The following SENP7 variants were observed in gnomAD, a reference collection of about 807,000 sequenced individuals.
SENP7 encodes the protein SUMO specific peptidase 7.
A neutral mutation model predicts 141.2 loss-of-function variants in SENP7; 64 were observed. That is an observed-to-expected ratio of 0.45 (90% CI 0.37 to 0.56). SENP7 has a LOEUF of 0.56. SENP7 is among the 20% of genes least tolerant of loss of function. The pLI, the probability that SENP7 is intolerant of heterozygous loss-of-function variation, is 0.00. For missense variants in SENP7, 1,025 were observed against 1,212.2 expected (o/e 0.85, Z 2.29); for synonymous variants, 382 against 426.4 (o/e 0.90, Z 1.28).
chr3:101,401,723 G>C (rs2061149241), intron 5 of SENP7, among the ~76,000 whole-genome samples: 1 of 152,136 alleles, frequency 6.6e-6, no homozygotes. Context: ...TATGAAGACT[G>C]AGAGAGGTTA....
chr3:101,479,051 T>C (rs894343706), intron 3 of SENP7, among the ~76,000 whole-genome samples: 1 of 152,092 alleles, frequency 6.6e-6, no homozygotes, highest in African/African-American at 2.4e-5. Context: ...AGAACATACC[T>C]CAGCAGGATA....
intron 4 of SENP7, among the ~76,000 whole-genome samples, chr3:101,450,813 C>G (rs1278525742): frequency 1.3e-5 from 2 of 151,928 alleles, no homozygotes; most frequent in African/African-American, 2.4e-5. Context: ...ACTAGAGAAG[C>G]AAGAGCAAAC....
intron 20 of SENP7, among the ~76,000 whole-genome samples, chr3:101,329,746 T>C (rs1367519691): frequency 7.4e-6 from 1 of 135,214 alleles, no homozygotes. Flanking sequence ...AAGACAAGTC[T>C]AGCCAACATG....
At chr3:101,430,858 C>G (rs1453499368) in intron 4 of SENP7, among the ~76,000 whole-genome samples, 2 of 152,162 alleles carry the variant, frequency 1.3e-5, no homozygotes, top group Non-Finnish European at 2.9e-5. Flanking sequence ...TTAAATGTGT[C>G]CCAGAGATTC....
intron 3 of SENP7, among the ~76,000 whole-genome samples, chr3:101,463,356 AATAAATAAATATAT>A (rs1175142156): frequency 1.7e-5 from 1 of 57,822 alleles, no homozygotes; most frequent in African/African-American, 7.0e-5. Context: ...ATCATAAATA[AATAAATAAATATAT>A]ATATATATAT....
chr3:101,347,787 T>A, intron 13 of SENP7, 85 bp downstream of exon 13: 1 of 594,380 alleles, frequency 1.7e-6, no homozygotes. Context: ...TTCACTGAAA[T>A]AACATTCTAT....
rs201010886 is a variant in SENP7 at position 101,332,079 on chromosome 3, A to G, written c.2604T>C (p.Phe868=). ...SSHWYLAVIC[F]PWLEEAVYED... is the part of the protein sequence containing the mutation. ...CATACACAGCTTCTTCTAACCATGG[A>G]AAACAAATGACTGCGAGATACCAGT... is the stretch of plus-strand genomic sequence containing the variant. The change falls in exon 19 of 24, where the codon TTT becomes TTC. Residue 868 remains phenylalanine (F), a synonymous_variant. Coordinates refer to ENST00000394095, the MANE Select transcript of SENP7 (RefSeq NM_020654.5). 6.2e-7 allele frequency: 1 copy of G among 1,613,386 alleles called. No homozygotes were observed. The highest frequency in any genetic ancestry group is 8.5e-7 in the Non-Finnish European group (1 of 1,179,598).
chr3:101,367,987 C>A lies in SENP7; in HGVS notation c.821G>T (p.Cys274Phe), dbSNP rs1307852622. ...TCTGCTTTCCTGTTCGAGATGATCA[C>A]AACCTCTACTTCCACTGTTAAGGTC... The part of the protein sequence containing the change: ...PEDLNSGSRG[C>F]DHLEQESRNK... Residue 274 changes from cysteine (C) to phenylalanine (F), a missense_variant, in exon 8 of 24, where the codon TGT becomes TTT. Cys to Phe is a radical substitution (Grantham distance 205, BLOSUM62 -2). Around this residue, in one of 4 missense-constraint regions of SENP7, gnomAD observed 496 missense variants for 503.5 expected, o/e 0.99. Coordinates refer to ENST00000394095, the MANE Select transcript of SENP7 (RefSeq NM_020654.5). 3 of 1,612,108 alleles carry A rather than the reference C, an allele frequency of 1.9e-6. No homozygotes were observed. Among genetic ancestry groups the A allele is most frequent in the Non-Finnish European group, 2.5e-6 (3 of 1,179,160 alleles).
At chr3:101,406,557 T>C (rs2061312883) in intron 5 of SENP7, among the ~76,000 whole-genome samples, 2 of 150,956 alleles carry the variant, frequency 1.3e-5, no homozygotes, top group South Asian at 4.2e-4. Context: ...CGTGTGCACA[T>C]GTACCCTAAA....
At position 101,366,568 on chromosome 3, in the gene SENP7, C is replaced by A. The variant is rs747181985; in HGVS notation, c.1180G>T (p.Val394Phe). The stretch of plus-strand genomic sequence containing the variant: ...ATATCAATGGAATTAGAGTTCTCAA[C>A]GGTTTCAGTGGTTGAACCGGCAGAG... ...SASAGSTTETVENSNSIDIVG... is the reference protein window; with the variant it reads ...SASAGSTTETFENSNSIDIVG... The change falls in exon 9 of 24, where the codon GTT becomes TTT. Residue 394 changes from valine to phenylalanine, a missense_variant. Around this residue, in one of 4 missense-constraint regions of SENP7, gnomAD observed 496 missense variants for 503.5 expected, o/e 0.99. Transcript: ENST00000394095. The A allele has an allele frequency of 6.2e-7, 1 of 1,613,876 alleles. No individual in the cohort carries two copies. The highest frequency in any genetic ancestry group is 1.1e-5 in the South Asian group (1 of 91,068).
At chr3:101,390,291 ATTC>A (rs2060781087) in intron 6 of SENP7, among the ~76,000 whole-genome samples, 1 of 150,908 alleles carries the variant, frequency 6.6e-6, no homozygotes. Context: ...AAATGACCCA[ATTC>A]AACTGTATGC....
At chr3:101,350,185 G>C (rs2059577576) in intron 12 of SENP7, among the ~76,000 whole-genome samples, 2 of 152,232 alleles carry the variant, frequency 1.3e-5, no homozygotes, top group Admixed American at 6.5e-5. Context: ...ATAGAAAAAT[G>C]CAACTCATGT....
intron 3 of SENP7, among the ~76,000 whole-genome samples, chr3:101,479,458 T>C (rs2064355154): frequency 6.6e-6 from 1 of 152,090 alleles, no homozygotes; most frequent in South Asian, 2.1e-4. Context: ...CAATAAAAAT[T>C]AGCCAGGCAT....
chr3:101,401,710 T>C (rs1355733443), intron 5 of SENP7, among the ~76,000 whole-genome samples: 3 of 152,122 alleles, frequency 2.0e-5, no homozygotes, highest in African/African-American at 7.2e-5. Flanking sequence ...CTCTCTTCAA[T>C]TCTATGAAGA....
intron 7 of SENP7, 111 bp downstream of exon 7, chr3:101,371,892 CCTTTA>C (rs1190621192): frequency 2.6e-6 from 1 of 383,788 alleles, no homozygotes; most frequent in Non-Finnish European, 4.6e-6. Flanking sequence ...AAATAATCTC[CCTTTA>C]CTTTCACATA....
intron 4 of SENP7, chr3:101,457,763 C>G: frequency 1.4e-6 from 1 of 723,054 alleles, no homozygotes; most frequent in Non-Finnish European, 2.3e-6. Context: ...ATGCAGAGAA[C>G]TAGGGTTGGT....
chr3:101,326,575 G>A (rs1039272365), intron 23 of SENP7, among the ~76,000 whole-genome samples: 2 of 152,070 alleles, frequency 1.3e-5, no homozygotes, highest in African/African-American at 4.8e-5. Context: ...GAAGTAATGA[G>A]ATGACAGTTC....
At chr3:101,469,096 C>G (rs1386509074) in intron 3 of SENP7, among the ~76,000 whole-genome samples, 2 of 151,990 alleles carry the variant, frequency 1.3e-5, no homozygotes, top group Non-Finnish European at 2.9e-5. Context: ...TTTAAACCAA[C>G]AAAGATCAAG....
At chr3:101,456,169 A>G (rs918291425) in intron 4 of SENP7, among the ~76,000 whole-genome samples, 2 of 152,126 alleles carry the variant, frequency 1.3e-5, no homozygotes, top group African/African-American at 4.8e-5. Context: ...AAAGACATAT[A>G]TATGTGTCTT....
Sources: gnomAD v4.1 joint callset for allele counts (sites outside exome capture counted in the v4.1 genomes callset) on GRCh38, gnomAD v4.1.1 for gene constraint, gnomAD v4.1.1 regional missense constraint, MANE v1.5 for transcripts, NCBI Gene and HGNC (gene_info 2026-07-23, HGNC 2026-07-21) for gene names.